Variants in IMPA2 observed in about 807,000 individuals in gnomAD.
IMPA2 encodes IMP 2.
A neutral mutation model predicts 35.1 loss-of-function variants in IMPA2; 32 were observed. That is an observed-to-expected ratio of 0.91 (90% CI 0.69 to 1.23). The LOEUF is 1.23. Ranked by LOEUF, IMPA2 falls within the 50% of genes most tolerant of loss-of-function variation. IMPA2 has a pLI of 0.00. For missense variants in IMPA2, 334 were observed against 387.6 expected (o/e 0.86, Z 1.16); for synonymous variants, 135 against 160.6 (o/e 0.84, Z 1.20).
intron 1 of IMPA2, among the ~76,000 whole-genome samples, chr18:11,989,935 G>A (rs532563185): frequency 6.6e-6 from 1 of 152,154 alleles, no homozygotes; most frequent in African/African-American, 2.4e-5. Flanking sequence ...CGAGCTTTAG[G>A]GGTGGAGGAA....
chr18:12,008,556 A>G (rs1023893938), intron 2 of IMPA2: 14 of 456,668 alleles, frequency 3.1e-5, no homozygotes, highest in African/African-American at 2.4e-4. Context: ...GAAGGTGTAA[A>G]CAGCGGCCAG....
chr18:11,995,433 C>T (rs1906934285), intron 1 of IMPA2, among the ~76,000 whole-genome samples: 1 of 152,236 alleles, frequency 6.6e-6, no homozygotes, highest in African/African-American at 2.4e-5. Context: ...GATTGCAAGG[C>T]AGCTCTGTGC....
intron 2 of IMPA2, among the ~76,000 whole-genome samples, chr18:12,006,092 A>G (rs1328168243): frequency 6.6e-6 from 1 of 152,226 alleles, no homozygotes; most frequent in African/African-American, 2.4e-5. Flanking sequence ...GAGGAAAGTC[A>G]CATAGCTACA....
chr18:11,992,666 T>C (rs59552380), intron 1 of IMPA2, among the ~76,000 whole-genome samples: 5,937 of 152,304 alleles, frequency 0.039, 410 homozygotes, highest in African/African-American at 0.13. Flanking sequence ...GTGAAGTGCA[T>C]GCTTAGTTAG....
At position 12,028,073 on chromosome 18, in the gene IMPA2, T is replaced by C. The variant is rs760165427; in HGVS notation, c.521T>C (p.Ile174Thr). The C allele has an allele frequency of 1.2e-6, 2 of 1,614,010 alleles. No homozygotes were observed. The highest frequency in any genetic ancestry group is 1.7e-6 in the Non-Finnish European group (2 of 1,179,894). Residue 174 changes from isoleucine to threonine, a missense_variant, in exon 6 of 8, where the codon ATT (isoleucine) becomes ACT (threonine). By Grantham distance (89) the Ile-to-Thr change is moderately conservative. Transcript: ENST00000269159. ...DLSKALVLTE[I>T]GPKRDPATLK... ...TCAAAGGCCTTGGTTCTGACAGAAA[T>C]TGGCCCCAAACGTGACCCTGCGACC...
At chr18:12,003,671 G>A (rs201406411) in intron 2 of IMPA2, among the ~76,000 whole-genome samples, 13 of 108,192 alleles carry the variant, frequency 1.2e-4, no homozygotes, top group African/African-American at 3.9e-4. Context: ...AAAAGAAAAG[G>A]AAAAAAAAAA....
chr18:12,022,528 A>AATATATATATATATATATAT (rs202132842), intron 5 of IMPA2, among the ~76,000 whole-genome samples: 4 of 96,816 alleles, frequency 4.1e-5, no homozygotes, highest in African/African-American at 1.7e-4. Flanking sequence ...TCTCAAAAAG[A>AATATATATATATATATATAT]ATATATATAT....
At chr18:12,018,597 CATTT>C (rs1269428383) in intron 5 of IMPA2, among the ~76,000 whole-genome samples, 1 of 152,144 alleles carries the variant, frequency 6.6e-6, no homozygotes, top group African/African-American at 2.4e-5. Flanking sequence ...GCCTTTAAAA[CATTT>C]ATTAATTCAT....
In IMPA2 at chr18:12,003,100, C is replaced by T. The variant is rs192790621; in HGVS notation, c.230+3913C>T. ...ATCCCAGCTACTCAGGAGGCTGAGG[C>T]AGGAGAATCGCTTGAACCTGGGAGG... On this transcript the variant is annotated intron_variant, in intron 2 of 7. Transcript: ENST00000269159. Among the ~76,000 whole-genome samples, 830 of 152,066 alleles carry T rather than the reference C, an allele frequency of 5.5e-3. 3 individuals are homozygous for T. Among genetic ancestry groups the T allele is most frequent in the Non-Finnish European group, 8.2e-3 (557 of 67,988 alleles).
intron 5 of IMPA2, chr18:12,017,945 G>GTTT: frequency 6.5e-6 from 1 of 152,878 alleles, no homozygotes; most frequent in Non-Finnish European, 1.4e-5. Context: ...TTTTTTTTCT[G>GTTT]TTTTTTTTTT....
chr18:11,997,009 C>G (rs1906977621), intron 1 of IMPA2, among the ~76,000 whole-genome samples: 1 of 152,162 alleles, frequency 6.6e-6, no homozygotes, highest in Non-Finnish European at 1.5e-5. Context: ...AACACACACA[C>G]ACACACAGAG....
Position 12,009,895 on chromosome 18 carries a change from A to C in IMPA2, c.243A>C (p.Glu81Asp). ...TCTTCCACTGCAGGTTCATTGCAGA[A>C]GAGGCCGCGGCTTCTGGGGCCAAGT... Reference protein sequence around the residue: ...ERFPSHRFIAEEAAASGAKCV... With the variant: ...ERFPSHRFIADEAAASGAKCV... Residue 81 changes from glutamate to aspartate, a missense_variant, in exon 3 of 8, where the codon GAA (glutamate) becomes GAC (aspartate). Coordinates refer to ENST00000269159, the MANE Select transcript of IMPA2 (RefSeq NM_014214.3). The C allele has an allele frequency of 6.2e-7, 1 of 1,614,122 alleles. No individual in the cohort carries two copies. Among genetic ancestry groups the C allele is most frequent in the South Asian group, 1.1e-5 (1 of 91,082 alleles).
chr18:12,014,214 A>G lies in IMPA2; in HGVS notation c.382-51A>G, dbSNP rs376416941. On this transcript the variant is annotated intron_variant, in intron 4 of 7. Coordinates refer to ENST00000269159, the MANE Select transcript of IMPA2 (RefSeq NM_014214.3). ...TTTGAATAACAATGTTTTTTCCCAC[A>G]TCAAACGAGTGAACCATCTTTGTTT... 3.1e-5 allele frequency: 41 copies of G among 1,307,900 alleles called. 1 individual carries two copies. Among genetic ancestry groups the G allele is most frequent in the Non-Finnish European group, 4.2e-5 (38 of 903,060 alleles). The allele number at this position is 1,307,900 out of a possible 1,614,324, so 81.0% of individuals were successfully genotyped here. A position where few individuals can be genotyped will look rare whatever the true frequency, so the allele number is the denominator to read the frequency against.
intron 5 of IMPA2, among the ~76,000 whole-genome samples, chr18:12,022,348 A>G (rs1278313609): frequency 1.3e-5 from 2 of 151,854 alleles, no homozygotes; most frequent in African/African-American, 4.8e-5. Flanking sequence ...CCTGGCCAAC[A>G]TGGAGAAACC....
intron 5 of IMPA2, among the ~76,000 whole-genome samples, chr18:12,022,557 TTG>T (rs373431969): frequency 1.4e-5 from 1 of 73,672 alleles, no homozygotes; most frequent in Non-Finnish European, 3.4e-5. Flanking sequence ...ATATATATAT[TTG>T]TGTGTGTGTG....
At position 11,983,917 on chromosome 18, in the gene IMPA2, G is replaced by A. The variant is rs145457869; in HGVS notation, c.96+2152G>A. On this transcript the variant is annotated intron_variant, in intron 1 of 7. Transcript: ENST00000269159. ...ACCTGGTTCGGGGTGTAAAGGTCGT[G>A]AGTGGTGATCCTTTTGGAGTTCTCC... is the stretch of plus-strand genomic sequence containing the variant. Among the ~76,000 whole-genome samples the A allele has an allele frequency of 6.6e-5, 10 of 152,300 alleles. No individual in the cohort carries two copies. In the Middle Eastern group the frequency reaches 0.01, roughly 155 times the overall value.
chr18:11,998,919 G>GCCCCCA, intron 1 of IMPA2, 135 bp from the exon 2 acceptor site: 1 of 42,850 alleles, frequency 2.3e-5, no homozygotes, highest in Non-Finnish European at 4.0e-5. Context: ...CACACCTGCT[G>GCCCCCA]CCCCCGCCGC....
At chr18:11,987,680 G>A (rs560338209) in intron 1 of IMPA2, among the ~76,000 whole-genome samples, 80 of 152,268 alleles carry the variant, frequency 5.3e-4, no homozygotes, top group African/African-American at 1.8e-3. Flanking sequence ...AAGTTAATAC[G>A]GGTAACGTTG....
intron 2 of IMPA2, among the ~76,000 whole-genome samples, chr18:12,005,637 C>T (rs572348045): frequency 6.6e-6 from 1 of 152,310 alleles, no homozygotes; most frequent in African/African-American, 2.4e-5. Flanking sequence ...AAACAAGCTG[C>T]TTGGTGACTT....
Sources: allele counts gnomAD v4.1 joint callset (sites outside exome capture counted in the v4.1 genomes callset), GRCh38; gene constraint gnomAD v4.1.1; transcripts MANE v1.5; gene names NCBI Gene and HGNC (gene_info 2026-07-23, HGNC 2026-07-21).